TAFA5: variants seen among roughly 807,000 people sequenced by gnomAD.
TAFA5 encodes chemokine-like protein TAFA-5.
A neutral mutation model predicts 15.3 loss-of-function variants in TAFA5; 6 were observed. The ratio of observed to expected loss-of-function variants is 0.39; its 90% confidence interval spans 0.21 to 0.77. TAFA5 has a LOEUF of 0.77. Ranked by LOEUF, TAFA5 falls within the 30% of genes least tolerant of loss-of-function variation. The pLI is 0.41. For synonymous variants in TAFA5, 103 were observed against 80.7 expected, an observed-to-expected ratio of 1.28 and a Z score of -1.48; for missense variants, 161 against 193.1, an observed-to-expected ratio of 0.83 and a Z score of 0.98.
At chr22:48,588,053 C>G (rs1404464632) in intron 1 of TAFA5, among the ~76,000 whole-genome samples, 1 of 152,192 alleles carries the variant, frequency 6.6e-6, no homozygotes, top group African/African-American at 2.4e-5. Flanking sequence ...TGGCCAAGCT[C>G]CATCTGTGCA....
intron 2 of TAFA5, among the ~76,000 whole-genome samples, chr22:48,657,586 A>G (rs1024612246): frequency 6.6e-6 from 1 of 152,234 alleles, no homozygotes; most frequent in South Asian, 2.1e-4. Context: ...CTACAGATCT[A>G]TGGATACGGA....
chr22:48,745,917 T>C (rs132263), intron 3 of TAFA5, among the ~76,000 whole-genome samples: 50,808 of 152,098 alleles, frequency 0.33, 9,533 homozygotes, highest in Non-Finnish European at 0.43. Context: ...GGCGGGCCGG[T>C]GAGCTGAGCT....
intron 2 of TAFA5, among the ~76,000 whole-genome samples, chr22:48,663,825 CA>C (rs942985949): frequency 6.6e-6 from 1 of 152,186 alleles, no homozygotes; most frequent in Non-Finnish European, 1.5e-5. Context: ...GTCGTGGCAT[CA>C]TAGTACTTGT....
intron 1 of TAFA5, among the ~76,000 whole-genome samples, chr22:48,563,373 G>C (rs540713960): frequency 6.6e-6 from 1 of 152,360 alleles, no homozygotes; most frequent in South Asian, 2.1e-4. Context: ...GTTTCTCCCA[G>C]CTTCCGGTGG....
intron 1 of TAFA5, among the ~76,000 whole-genome samples, chr22:48,583,411 T>TA (rs1365125530): frequency 9.1e-6 from 1 of 109,474 alleles, no homozygotes; most frequent in Non-Finnish European, 1.8e-5. Context: ...ACACACAAAA[T>TA]ACGCCACACA....
intron 1 of TAFA5, among the ~76,000 whole-genome samples, chr22:48,547,814 G>A (rs1159914865): frequency 2.0e-5 from 3 of 152,232 alleles, no homozygotes; most frequent in African/African-American, 7.2e-5. Flanking sequence ...CTCTCCAGAG[G>A]ACTCTGAGTT....
At chr22:48,557,127 G>A (rs940232396) in intron 1 of TAFA5, among the ~76,000 whole-genome samples, 5 of 152,172 alleles carry the variant, frequency 3.3e-5, no homozygotes, top group South Asian at 2.1e-4. Context: ...CTGTGCTAGC[G>A]TCTGAATTGT....
chr22:48,554,942 G>T (rs1450758704), intron 1 of TAFA5, among the ~76,000 whole-genome samples: 1 of 152,224 alleles, frequency 6.6e-6, no homozygotes, highest in Admixed American at 6.5e-5. Flanking sequence ...TTCAAGCTGT[G>T]TCCTCGGGAG....
chr22:48,674,662 C>T (rs1927911311), intron 2 of TAFA5, among the ~76,000 whole-genome samples: 1 of 148,118 alleles, frequency 6.8e-6, no homozygotes. Context: ...AAGGCAGGGA[C>T]AGTGGGAGGT....
In TAFA5 at chr22:48,546,528, G is replaced by A. The variant is rs534131486; in HGVS notation, c.112+56824G>A. The A allele has an allele frequency of 3.4e-5, 16 of 471,176 alleles. No individual in the cohort carries two copies. In the East Asian group the frequency reaches 6.9e-4, roughly 20 times the overall value. The allele number at this position is 471,176 out of a possible 1,614,324, so 29.2% of individuals were successfully genotyped here. A position where few individuals can be genotyped will look rare whatever the true frequency, so the allele number is the denominator to read the frequency against. ...TTTTTCTCACCTGGCTGGGCAGCCC[G>A]CGGCTGTGGGATGAGAGATACGGAT... On this transcript the variant is annotated intron_variant, in intron 1 of 3. Transcript: ENST00000402357.
intron 1 of TAFA5, among the ~76,000 whole-genome samples, chr22:48,635,070 G>A (rs1016205584): frequency 6.6e-6 from 1 of 152,228 alleles, no homozygotes; most frequent in African/African-American, 2.4e-5. Flanking sequence ...CATCCTGCCC[G>A]GGCTGTTCTG....
chr22:48,528,460 G>T (rs1437940894), intron 1 of TAFA5, among the ~76,000 whole-genome samples: 3 of 152,096 alleles, frequency 2.0e-5, no homozygotes, highest in Non-Finnish European at 4.4e-5. Flanking sequence ...CCCTGCACTG[G>T]CTGCCTGCAG....
At chr22:48,593,391 G>C (rs575422806) in intron 1 of TAFA5, among the ~76,000 whole-genome samples, 2 of 152,164 alleles carry the variant, frequency 1.3e-5, no homozygotes, top group Non-Finnish European at 2.9e-5. Context: ...GATGGTGACC[G>C]ATGTGAAGGG....
At chr22:48,737,143 T>G (rs1290600595) in intron 3 of TAFA5, among the ~76,000 whole-genome samples, 3 of 151,996 alleles carry the variant, frequency 2.0e-5, no homozygotes, top group Admixed American at 6.5e-5. Flanking sequence ...TCTGTTGATG[T>G]GAGGACTCTG....
At chr22:48,684,430 T>G (rs1007383692) in intron 2 of TAFA5, among the ~76,000 whole-genome samples, 4 of 152,078 alleles carry the variant, frequency 2.6e-5, no homozygotes, top group African/African-American at 9.7e-5. Context: ...AGCTGTCCCA[T>G]AAAGCCTCCA....
At chr22:48,658,216 C>A (rs1927313699) in intron 2 of TAFA5, among the ~76,000 whole-genome samples, 1 of 151,314 alleles carries the variant, frequency 6.6e-6, no homozygotes, top group South Asian at 2.1e-4. Flanking sequence ...GAAACTCAGC[C>A]CCACAAACAC....
At chr22:48,668,394 A>G (rs1212478119) in intron 2 of TAFA5, among the ~76,000 whole-genome samples, 10 of 24,792 alleles carry the variant, frequency 4.0e-4, no homozygotes, top group African/African-American at 1.9e-3. Context: ...GGGAGCTGTA[A>G]TCCCCCAGCA....
intron 2 of TAFA5, among the ~76,000 whole-genome samples, chr22:48,659,684 G>A (rs1017706533): frequency 1.3e-5 from 2 of 152,196 alleles, no homozygotes; most frequent in Admixed American, 1.3e-4. Flanking sequence ...TCCTCTCTGA[G>A]CTGTGCTGGG....
At chr22:48,557,509 C>A (rs901022598) in intron 1 of TAFA5, among the ~76,000 whole-genome samples, 3 of 152,176 alleles carry the variant, frequency 2.0e-5, no homozygotes, top group Non-Finnish European at 2.9e-5. Context: ...GTTCTGGCCA[C>A]CCTAGGACAC....
Sources: allele counts gnomAD v4.1 joint callset (sites outside exome capture counted in the v4.1 genomes callset), GRCh38; gene constraint gnomAD v4.1.1; transcripts MANE v1.5; gene names NCBI Gene and HGNC (gene_info 2026-07-23, HGNC 2026-07-21).